Variants in TUBGCP6 observed in about 807,000 individuals in gnomAD.
TUBGCP6 encodes the protein tubulin gamma complex component 6.
TUBGCP6 carries 161 observed loss-of-function variants against 175.8 expected under a neutral mutation model. The observed-to-expected ratio is 0.92, with a 90% CI of 0.81 to 1.04. The LOEUF (loss-of-function observed/expected upper bound fraction) is 1.04, where lower values mean the gene tolerates loss of function less well. Among genes scored for constraint, TUBGCP6 ranks in the 50% least tolerant of loss-of-function variants. The pLI is 0.00. For missense variants in TUBGCP6, 2,572 were observed against 2,433.0 expected, an observed-to-expected ratio of 1.06 and a Z score of -1.20; for synonymous variants, 1,173 against 1,030.5, an observed-to-expected ratio of 1.14 and a Z score of -2.65.
chr22:50,219,756 A>C lies in TUBGCP6; in HGVS notation c.4203T>G (p.Gly1401=). 6.2e-7 allele frequency: 1 copy of C among 1,613,608 alleles called. No homozygotes were observed. The highest frequency in any genetic ancestry group is 1.1e-5 in the South Asian group (1 of 91,062). The part of the protein sequence containing the change: ...DTAAQSSPGR[G]EEAEASAAEA... ...CCGCCGCCGATGCCTCCGCCTCCTC[A>C]CCACGGCCTGGGCTGCTCTGGGCAG... The change falls in exon 18 of 25, where the codon GGT becomes GGG. Residue 1401 remains glycine, a synonymous_variant. Transcript: ENST00000248846.
chr22:50,227,877 C>G (rs1392211087), intron 5 of TUBGCP6, 30 bp downstream of exon 5: 2 of 1,564,416 alleles, frequency 1.3e-6, no homozygotes, highest in Non-Finnish European at 1.7e-6. Flanking sequence ...CCCGCAAAGT[C>G]CCCTGCTCAG....
intron 3 of TUBGCP6, 116 bp downstream of exon 3, chr22:50,233,200 C>T (rs2064715923): frequency 1.6e-6 from 2 of 1,254,102 alleles, no homozygotes; most frequent in Non-Finnish European, 2.2e-6. Context: ...CTGGCCTTCC[C>T]TGCCACTCCC....
chr22:50,232,701 C>T (rs1322368332), intron 3 of TUBGCP6, among the ~76,000 whole-genome samples: 1 of 152,262 alleles, frequency 6.6e-6, no homozygotes, highest in Admixed American at 6.5e-5. Flanking sequence ...TTTTCTGGGG[C>T]AGTCACTGGC....
chr22:50,227,019 G>A lies in TUBGCP6; in HGVS notation c.1471C>T (p.Pro491Ser), dbSNP rs773730638. 6.2e-7 allele frequency: 1 copy of A among 1,612,352 alleles called. No individual in the cohort carries two copies. The highest frequency in any genetic ancestry group is 8.5e-7 in the Non-Finnish European group (1 of 1,179,604). The change falls in exon 6 of 25, where the codon CCC becomes TCC. Residue 491 changes from proline (P) to serine (S), a missense_variant. Transcript: ENST00000248846. ...AVLPGTCGGG[P>S]RAAFPTGVKL... Reference sequence around the variant, plus strand: ...CTCACGGTGGGAAACGCGGCCCTGGGGCCTCCTCCACAGGTGCCCGGGAGC... The same window carrying A: ...CTCACGGTGGGAAACGCGGCCCTGGAGCCTCCTCCACAGGTGCCCGGGAGC...
chr22:50,229,709 A>G, intron 3 of TUBGCP6, 132 bp from the exon 4 acceptor site: 1 of 860,234 alleles, frequency 1.2e-6, no homozygotes. Context: ...GCAAATGCCC[A>G]GAAGGCATAC....
rs199815606 is a variant in TUBGCP6, at chr22:50,221,051, C to T, written c.3308G>A (p.Arg1103Gln). 7.4e-6 allele frequency: 12 copies of T among 1,612,800 alleles called. No homozygotes were observed. The highest frequency in any genetic ancestry group is 5.4e-5 in the African/African-American group (4 of 74,728). Residue 1103 changes from arginine (R) to glutamine (Q), a missense_variant, in exon 16 of 25, where the codon CGG becomes CAG. By Grantham distance (43) the Arg-to-Gln change is conservative. Coordinates refer to ENST00000248846, the MANE Select transcript of TUBGCP6 (RefSeq NM_020461.4). The part of the protein sequence containing the change: ...SVSDVAPTRP[R>Q]WNIHGHVSNA... The stretch of plus-strand genomic sequence containing the variant: ...GGACACATGTCCATGGATGTTCCAC[C>T]GTGGCCGAGTGGGAGCCACATCTGA...
Position 50,226,201 on chromosome 22 carries a change from T to C in TUBGCP6, c.1694-12A>G. ...CCAGTACAACTTATCTAAGGTAGGG[T>C]GAACACCACGGTGGCCGGCATGGCC... On this transcript the variant is annotated splice_polypyrimidine_tract_variant and intron_variant, in intron 8 of 24. Coordinates refer to ENST00000248846, the MANE Select transcript of TUBGCP6 (RefSeq NM_020461.4). The C allele has an allele frequency of 1.2e-6, 2 of 1,613,850 alleles. No individual in the cohort carries two copies. Among genetic ancestry groups the C allele is most frequent in the Non-Finnish European group, 1.7e-6 (2 of 1,179,932 alleles).
Position 50,218,853 on chromosome 22 carries a change from C to T in TUBGCP6, c.4671G>A (p.Val1557=). The change falls in exon 21 of 25, where the codon GTG becomes GTA. Residue 1557 remains valine (V), a synonymous_variant. Coordinates refer to ENST00000248846, the MANE Select transcript of TUBGCP6 (RefSeq NM_020461.4). ...QTPGELLNPL[V]LNSVLSKALQ... ...GGGCCTTGCTCAGCACAGAGTTCAG[C>T]ACCAGCGGGTTGAGCAGCTCTCCGG... The T allele has an allele frequency of 6.2e-7, 1 of 1,613,902 alleles. No individual in the cohort carries two copies. Among genetic ancestry groups the T allele is most frequent in the Non-Finnish European group, 8.5e-7 (1 of 1,179,934 alleles).
intron 4 of TUBGCP6, among the ~76,000 whole-genome samples, 177 bp downstream of exon 4, chr22:50,229,227 G>C (rs530797823): frequency 1.3e-5 from 2 of 152,148 alleles, no homozygotes; most frequent in Non-Finnish European, 1.5e-5. Flanking sequence ...TTTCTAGTGA[G>C]GTAAAACATC....
rs767888395 is a variant in TUBGCP6, at chr22:50,220,764, C to G, written c.3595G>C (p.Gly1199Arg). The G allele has an allele frequency of 2.5e-5, 40 of 1,604,614 alleles. No individual in the cohort carries two copies. Among genetic ancestry groups the G allele is most frequent in the Non-Finnish European group, 3.3e-5 (39 of 1,177,298 alleles). The change falls in exon 16 of 25, where the codon GGG becomes CGG. Residue 1199 changes from glycine (G) to arginine (R), a missense_variant. By Grantham distance (125) the Gly-to-Arg change is moderately radical (BLOSUM62 -2). Coordinates refer to ENST00000248846, the MANE Select transcript of TUBGCP6 (RefSeq NM_020461.4). The part of the protein sequence containing the change: ...GHVSDASISL[G>R]ESVSDMAPTR... ...GGAGCCATGTCTGACACAGACTCCC[C>G]CAAGCTGATGCTGGCATCAGACACG... is the stretch of plus-strand genomic sequence containing the variant.
At chr22:50,228,997 C>T (rs759877217) in intron 4 of TUBGCP6, among the ~76,000 whole-genome samples, 10 of 152,302 alleles carry the variant, frequency 6.6e-5, no homozygotes, top group South Asian at 6.2e-4. Flanking sequence ...CAGCAGCTTC[C>T]GGAGCCAGAC....
rs150838239 is a variant in TUBGCP6, at chr22:50,220,266, C to T, written c.4093G>A (p.Val1365Ile). The change falls in exon 16 of 25, where the codon GTC (valine) becomes ATC (isoleucine). Residue 1365 changes from valine to isoleucine, a missense_variant. Transcript: ENST00000248846. The stretch of plus-strand genomic sequence containing the variant: ...CTACTCTGACCTAGTTCTTCAGAGA[C>T]ACTGTCTCCCGGGGTGTTGGGCCAC... ...PWWPNTPGDS[V>I]SEELGPGRSG... is the part of the protein sequence containing the mutation. 3 of 1,560,120 alleles carry T rather than the reference C, an allele frequency of 1.9e-6. No homozygotes were observed. Among genetic ancestry groups the T allele is most frequent in the Middle Eastern group, 1.7e-4 (1 of 5,810 alleles).
rs745767775 is a variant in TUBGCP6, at chr22:50,222,506, C to T, written c.2357G>A (p.Arg786Gln). 3.7e-6 allele frequency: 6 copies of T among 1,613,846 alleles called. No homozygotes were observed. Among genetic ancestry groups the T allele is most frequent in the East Asian group, 4.5e-5 (2 of 44,896 alleles). Residue 786 changes from arginine to glutamine, a missense_variant, in exon 14 of 25, where the codon CGA (arginine) becomes CAA (glutamine). Arg to Gln is a conservative substitution (Grantham distance 43, BLOSUM62 1). Transcript: ENST00000248846. ...AAAACGAAGCCGTGCACTCTCCAGT[C>T]GGTGCCTCTGGATTCTCCACAGTGC... ...QKALWRIQRH[R>Q]LESARLRFLL...
chr22:50,218,305 G>A lies in TUBGCP6; in HGVS notation c.5052C>T (p.Ile1684=), dbSNP rs139368772. The stretch of plus-strand genomic sequence containing the variant: ...AGGTGACGTGCAGGATCTGGTTGGC[G>A]ATGTAGCCCTGGATGACCTTCACGA... The part of the protein sequence containing the change: ...QHFVKVIQGY[I]ANQILHVTWC... Residue 1684 remains isoleucine (I), a synonymous_variant, in exon 23 of 25, where the codon ATC becomes ATT. Transcript: ENST00000248846. 5.9e-4 allele frequency: 944 copies of A among 1,613,130 alleles called. 3 individuals carry two copies. Among genetic ancestry groups the A allele is most frequent in the Middle Eastern group, 2.5e-3 (15 of 6,062 alleles).
At chr22:50,232,435 G>C (rs543951247) in intron 3 of TUBGCP6, among the ~76,000 whole-genome samples, 1 of 151,842 alleles carries the variant, frequency 6.6e-6, no homozygotes, top group Middle Eastern at 3.2e-3. Flanking sequence ...GCACGTGCCT[G>C]TAGTCCCAGC....
intron 8 of TUBGCP6, 23 bp from the exon 9 acceptor site, chr22:50,226,212 G>C: frequency 6.2e-7 from 1 of 1,614,074 alleles, no homozygotes; most frequent in Non-Finnish European, 8.5e-7. Context: ...GAACACCACG[G>C]TGGCCGGCAT....
chr22:50,240,361 G>C lies in TUBGCP6; in HGVS notation c.748C>G (p.Pro250Ala). 6.2e-7 allele frequency: 1 copy of C among 1,611,828 alleles called. No individual in the cohort carries two copies. The highest frequency in any genetic ancestry group is 8.5e-7 in the Non-Finnish European group (1 of 1,179,274). ...DLSGLAIKVP[P>A]SVDQWEDEGF... is the part of the protein sequence containing the mutation. ...TCGTCTTCCCACTGATCCACACTCGGTGGGACCTGGAGACACAGGGAAGGG... is the reference window on the plus strand; with the variant it reads ...TCGTCTTCCCACTGATCCACACTCGCTGGGACCTGGAGACACAGGGAAGGG... Residue 250 changes from proline to alanine, a missense_variant, in exon 2 of 25, where the codon CCG (proline) becomes GCG (alanine). Physicochemically the swap from Pro to Ala is conservative, Grantham distance 27. Transcript: ENST00000248846.
intron 22 of TUBGCP6, 36 bp downstream of exon 22, chr22:50,218,452 A>T (rs539426819): frequency 6.2e-7 from 1 of 1,612,954 alleles, no homozygotes; most frequent in Admixed American, 1.7e-5. Context: ...GCCTCCAGCC[A>T]GGGGTGCGGG....
chr22:50,232,961 C>T (rs2064712960), intron 3 of TUBGCP6, among the ~76,000 whole-genome samples: 1 of 152,192 alleles, frequency 6.6e-6, no homozygotes, highest in Non-Finnish European at 1.5e-5. Context: ...GCCCCAGTCT[C>T]GGGACGCTCT....
Sources: gnomAD v4.1 joint callset for allele counts (sites outside exome capture counted in the v4.1 genomes callset) on GRCh38, gnomAD v4.1.1 for gene constraint, MANE v1.5 for transcripts, NCBI Gene and HGNC (gene_info 2026-07-23, HGNC 2026-07-21) for gene names.